FKTN: variants seen among roughly 807,000 people sequenced by gnomAD.
FKTN encodes ribitol-5-phosphate transferase FKTN.
In FKTN, 47 loss-of-function variants were observed where a neutral mutation model predicts 58.6. That is an observed-to-expected ratio of 0.80 (90% CI 0.63 to 1.02). FKTN has a LOEUF of 1.02. Among genes scored for constraint, FKTN ranks in the 50% least tolerant of loss-of-function variants. The probability of loss-of-function intolerance (pLI) is 0.00; values close to 1 mark genes in which losing one functional copy is unlikely to be tolerated. For synonymous variants in FKTN, 178 were observed against 191.9 expected (o/e 0.93, Z 0.60); for missense variants, 516 against 537.3 (o/e 0.96, Z 0.39).
At chr9:105,574,717 A>C (rs1326073722) in intron 2 of FKTN, among the ~76,000 whole-genome samples, 1 of 152,140 alleles carries the variant, frequency 6.6e-6, no homozygotes, top group Non-Finnish European at 1.5e-5. Flanking sequence ...GTTTTTATAA[A>C]TATCCTATTT....
intron 6 of FKTN, among the ~76,000 whole-genome samples, chr9:105,607,343 G>A (rs1027956274): frequency 6.6e-6 from 1 of 151,998 alleles, no homozygotes; most frequent in African/African-American, 2.4e-5. Context: ...TAAAAATTAT[G>A]TCACAAAATT....
At chr9:105,634,662 A>G (rs1833870188) in intron 10 of FKTN, among the ~76,000 whole-genome samples, 1 of 152,218 alleles carries the variant, frequency 6.6e-6, no homozygotes. Flanking sequence ...CCAGATTGTG[A>G]AAGAAAAGAA....
intron 3 of FKTN, among the ~76,000 whole-genome samples, chr9:105,592,388 C>T (rs1845053989): frequency 2.6e-5 from 4 of 152,138 alleles, no homozygotes; most frequent in African/African-American, 9.7e-5. Context: ...CCTATAATCT[C>T]AGCACTTTGG....
chr9:105,634,845 C>T (rs1385605058), intron 10 of FKTN, among the ~76,000 whole-genome samples: 1 of 152,196 alleles, frequency 6.6e-6, no homozygotes, highest in Non-Finnish European at 1.5e-5. Flanking sequence ...TCAGCCTCTC[C>T]TCAATCCTAT....
chr9:105,572,170 A>G (rs1298710361), intron 1 of FKTN, among the ~76,000 whole-genome samples: 1 of 151,938 alleles, frequency 6.6e-6, no homozygotes, highest in East Asian at 1.9e-4. Context: ...TACATTACTG[A>G]TCAGGTGAAT....
chr9:105,628,018 T>A (rs1345478109), intron 10 of FKTN, among the ~76,000 whole-genome samples: 1 of 152,240 alleles, frequency 6.6e-6, no homozygotes, highest in African/African-American at 2.4e-5. Context: ...TCAATCATTC[T>A]GCTTCACAAG....
intron 7 of FKTN, among the ~76,000 whole-genome samples, chr9:105,608,458 A>G (rs1038460225): frequency 1.3e-5 from 2 of 152,220 alleles, no homozygotes; most frequent in Admixed American, 1.3e-4. Context: ...TTTCAATTCA[A>G]TACACATTTA....
chr9:105,633,666 C>T (rs910651536), intron 10 of FKTN, among the ~76,000 whole-genome samples: 56 of 152,188 alleles, frequency 3.7e-4, no homozygotes, highest in African/African-American at 1.3e-3. Flanking sequence ...TTCACAGTAG[C>T]CAGCTGGGAT....
At chr9:105,627,145 T>A (rs764224349) in intron 10 of FKTN, among the ~76,000 whole-genome samples, 4 of 151,998 alleles carry the variant, frequency 2.6e-5, no homozygotes, top group African/African-American at 4.8e-5. Context: ...GCTATTTTTG[T>A]ATTTTTAGTA....
Position 105,607,811 on chromosome 9 carries a change from G to A in FKTN, c.648-8G>A, listed in dbSNP as rs754786678. ...CCCTCATTAATAAATCTTAACTTTTGTTTTCAGGCCAGAGTTACAGCAAGT... is the reference window on the plus strand; with the variant it reads ...CCCTCATTAATAAATCTTAACTTTTATTTTCAGGCCAGAGTTACAGCAAGT... On this transcript the variant is annotated splice_polypyrimidine_tract_variant and splice_region_variant and intron_variant, in intron 6 of 10. Coordinates refer to ENST00000357998, the MANE Select transcript of FKTN (RefSeq NM_001079802.2). The A allele has an allele frequency of 1.3e-5, 20 of 1,573,272 alleles. No homozygotes were observed. The highest frequency in any genetic ancestry group is 1.7e-5 in the Non-Finnish European group (19 of 1,146,526).
In FKTN at chr9:105,607,821, C is replaced by G; in HGVS notation, c.650C>G (p.Pro217Arg). ...TAAATCTTAACTTTTGTTTTCAGGC[C>G]AGAGTTACAGCAAGTTACTGTTGAT... ...FGRYPGAFDRPELQQVTVDGL... is the reference protein window; with the variant it reads ...FGRYPGAFDRRELQQVTVDGL... The change falls in exon 7 of 11, where the codon CCA becomes CGA. Residue 217 changes from proline to arginine, a missense_variant and splice_region_variant. Pro to Arg is a moderately radical substitution (Grantham distance 103). Coordinates refer to ENST00000357998, the MANE Select transcript of FKTN (RefSeq NM_001079802.2). 1 of 1,612,750 alleles carries G rather than the reference C, an allele frequency of 6.2e-7. No individual in the cohort carries two copies. Among genetic ancestry groups the G allele is most frequent in the African/African-American group, 1.3e-5 (1 of 74,948 alleles).
chr9:105,639,856 A>G lies in FKTN; in HGVS notation c.*4592A>G. On this transcript the variant is annotated 3_prime_UTR_variant, in exon 11 of 11. Coordinates refer to ENST00000357998, the MANE Select transcript of FKTN (RefSeq NM_001079802.2). ...CCCAAGCAGTTTACTGTACTTCACT[A>G]GATTTGGTACCTGCTCTCCCCTGGA... The G allele has an allele frequency of 7.5e-7, 1 of 1,340,282 alleles. No individual in the cohort carries two copies. Among genetic ancestry groups the G allele is most frequent in the Non-Finnish European group, 9.5e-7 (1 of 1,048,246 alleles). The allele number at this position is 1,340,282 out of a possible 1,614,324, so 83.0% of individuals were successfully genotyped here.
intron 1 of FKTN, 23 bp downstream of exon 1, chr9:105,558,188 C>G (rs1837538887): frequency 6.6e-6 from 1 of 152,190 alleles, no homozygotes; most frequent in African/African-American, 2.4e-5. Context: ...AGGCTCAGGT[C>G]GGTACCCGGG....
At chr9:105,594,775 A>G (rs1357291504) in intron 3 of FKTN, among the ~76,000 whole-genome samples, 1 of 152,220 alleles carries the variant, frequency 6.6e-6, no homozygotes, top group Non-Finnish European at 1.5e-5. Flanking sequence ...AAGTGATATC[A>G]GTCAGCAGCC....
At chr9:105,601,720 T>C (rs999067137) in intron 5 of FKTN, among the ~76,000 whole-genome samples, 1 of 152,162 alleles carries the variant, frequency 6.6e-6, no homozygotes, top group Non-Finnish European at 1.5e-5. Context: ...GCTTTTTTGC[T>C]GGGGGAAACT....
intron 7 of FKTN, among the ~76,000 whole-genome samples, chr9:105,609,013 T>C (rs997203808): frequency 2.0e-5 from 3 of 152,222 alleles, no homozygotes; most frequent in Non-Finnish European, 2.9e-5. Context: ...ATTATAGCAA[T>C]TATCACAGTG....
At chr9:105,571,453 T>G (rs1397525587) in intron 1 of FKTN, among the ~76,000 whole-genome samples, 1 of 152,192 alleles carries the variant, frequency 6.6e-6, no homozygotes, top group Non-Finnish European at 1.5e-5. Context: ...TGAAGTTAAT[T>G]GGATATCATC....
At chr9:105,602,368 A>G (rs768735408) in intron 5 of FKTN, among the ~76,000 whole-genome samples, 6 of 152,222 alleles carry the variant, frequency 3.9e-5, no homozygotes, top group Non-Finnish European at 5.9e-5. Flanking sequence ...TTTCTGAAGT[A>G]TCTGTTGGGT....
chr9:105,588,903 G>A (rs1351539334), intron 3 of FKTN, among the ~76,000 whole-genome samples: 1 of 152,124 alleles, frequency 6.6e-6, no homozygotes, highest in Non-Finnish European at 1.5e-5. Context: ...AATGGGATAC[G>A]GCTGGAGATT....
Sources: allele counts gnomAD v4.1 joint callset (sites outside exome capture counted in the v4.1 genomes callset), GRCh38; gene constraint gnomAD v4.1.1; transcripts MANE v1.5; gene names NCBI Gene and HGNC (gene_info 2026-07-23, HGNC 2026-07-21).